NXPH1: variants seen among roughly 807,000 people sequenced by gnomAD.
NXPH1 encodes neurexophilin 1.
Under a neutral mutation model 23.7 loss-of-function variants are expected in NXPH1, and 5 were observed. The observed-to-expected ratio is 0.21, with a 90% confidence interval of 0.11 to 0.44. The LOEUF is 0.44. Among genes scored for constraint, NXPH1 ranks in the 20% least tolerant of loss-of-function variants. NXPH1 has a pLI of 0.99. For synonymous variants in NXPH1, 144 were observed against 122.2 expected (o/e 1.18, Z -1.18); for missense variants, 324 against 321.6 (o/e 1.01, Z -0.06).
chr7:8,456,940 C>T (rs1160114196), intron 2 of NXPH1, among the ~76,000 whole-genome samples: 1 of 152,166 alleles, frequency 6.6e-6, no homozygotes, highest in Non-Finnish European at 1.5e-5. Flanking sequence ...AGGTCTCTAA[C>T]TCTCTATCCT....
chr7:8,724,346 A>T (rs1780015726), intron 2 of NXPH1, among the ~76,000 whole-genome samples: 1 of 152,194 alleles, frequency 6.6e-6, no homozygotes, highest in African/African-American at 2.4e-5. Flanking sequence ...AGGGTAATTA[A>T]AATACCTCTC....
chr7:8,640,092 T>C (rs1434738484), intron 2 of NXPH1, among the ~76,000 whole-genome samples: 1 of 152,190 alleles, frequency 6.6e-6, no homozygotes, highest in Non-Finnish European at 1.5e-5. Context: ...CAAATCCATA[T>C]TCCCATCCAC....
chr7:8,450,030 G>T (rs184608810), intron 2 of NXPH1, among the ~76,000 whole-genome samples: 239 of 152,286 alleles, frequency 1.6e-3, no homozygotes, highest in South Asian at 3.7e-3. Context: ...TGATCCCTGG[G>T]TCTCAGGGTA....
At chr7:8,679,158 A>G (rs541648847) in intron 2 of NXPH1, among the ~76,000 whole-genome samples, 10 of 152,036 alleles carry the variant, frequency 6.6e-5, no homozygotes, top group Admixed American at 6.5e-4. Flanking sequence ...CGTGTTAGCC[A>G]GGATGGTCTC....
chr7:8,649,047 T>C (rs1319172949), intron 2 of NXPH1, among the ~76,000 whole-genome samples: 1 of 152,030 alleles, frequency 6.6e-6, no homozygotes, highest in African/African-American at 2.4e-5. Context: ...TTTTTTTGTA[T>C]TTACACCTTT....
At chr7:8,439,821 A>G (rs968200778) in intron 2 of NXPH1, among the ~76,000 whole-genome samples, 2 of 152,192 alleles carry the variant, frequency 1.3e-5, no homozygotes, top group Admixed American at 6.5e-5. Context: ...GTTAAGGTAT[A>G]TTGGAGCTGG....
intron 2 of NXPH1, among the ~76,000 whole-genome samples, chr7:8,603,090 C>A (rs111305859): frequency 6.6e-6 from 1 of 152,112 alleles, no homozygotes. Context: ...GGATTACAGA[C>A]GTGAGCCACC....
intron 2 of NXPH1, among the ~76,000 whole-genome samples, chr7:8,493,759 G>A (rs1462379011): frequency 1.3e-5 from 2 of 151,916 alleles, no homozygotes; most frequent in Non-Finnish European, 2.9e-5. Flanking sequence ...GCCACTTTTT[G>A]TCTTAAGCAC....
At chr7:8,707,351 A>G (rs1779720849) in intron 2 of NXPH1, among the ~76,000 whole-genome samples, 1 of 152,122 alleles carries the variant, frequency 6.6e-6, no homozygotes, top group South Asian at 2.1e-4. Flanking sequence ...AACATTTCCT[A>G]TGTATTTACA....
At chr7:8,566,073 C>A (rs112859625) in intron 2 of NXPH1, among the ~76,000 whole-genome samples, 5 of 151,806 alleles carry the variant, frequency 3.3e-5, no homozygotes, top group African/African-American at 9.7e-5. Flanking sequence ...TCAAGAGAAT[C>A]CAGTTGTTAT....
chr7:8,530,085 C>G (rs1319578441), intron 2 of NXPH1, among the ~76,000 whole-genome samples: 1 of 152,150 alleles, frequency 6.6e-6, no homozygotes, highest in Non-Finnish European at 1.5e-5. Context: ...CACCCTACAA[C>G]TAATGGTAGA....
intron 2 of NXPH1, among the ~76,000 whole-genome samples, chr7:8,593,082 T>G (rs914484729): frequency 6.6e-6 from 1 of 152,012 alleles, no homozygotes; most frequent in African/African-American, 2.4e-5. Flanking sequence ...CATTAACAAT[T>G]TGTTGGGTTC....
At chr7:8,486,907 A>C (rs1817167968) in intron 2 of NXPH1, among the ~76,000 whole-genome samples, 2 of 152,100 alleles carry the variant, frequency 1.3e-5, no homozygotes, top group South Asian at 4.1e-4. Context: ...TTTAAATTAC[A>C]GGCCCTTTAT....
At chr7:8,544,683 T>G (rs1444033709) in intron 2 of NXPH1, among the ~76,000 whole-genome samples, 1 of 151,638 alleles carries the variant, frequency 6.6e-6, no homozygotes, top group Non-Finnish European at 1.5e-5. Flanking sequence ...TTAAAAATTT[T>G]ACTTATCAGT....
At chr7:8,733,536 G>C (rs555753648) in intron 2 of NXPH1, among the ~76,000 whole-genome samples, 1 of 152,240 alleles carries the variant, frequency 6.6e-6, no homozygotes, top group African/African-American at 2.4e-5. Flanking sequence ...ATCTTCTCCA[G>C]CATTTGTTGT....
At chr7:8,644,512 G>A (rs1404664071) in intron 2 of NXPH1, among the ~76,000 whole-genome samples, 1 of 151,960 alleles carries the variant, frequency 6.6e-6, no homozygotes, top group African/African-American at 2.4e-5. Flanking sequence ...TGTATTTCTG[G>A]TTTGTTGATG....
At chr7:8,586,902 T>A (rs998936180) in intron 2 of NXPH1, among the ~76,000 whole-genome samples, 1 of 152,060 alleles carries the variant, frequency 6.6e-6, no homozygotes, top group Admixed American at 6.6e-5. Flanking sequence ...CAATACTCTA[T>A]CCCTTAGAGA....
chr7:8,455,617 T>C (rs1045539892), intron 2 of NXPH1, among the ~76,000 whole-genome samples: 1 of 151,418 alleles, frequency 6.6e-6, no homozygotes, highest in African/African-American at 2.4e-5. Flanking sequence ...AGAATGTTAA[T>C]TCCCAGAAAG....
intron 2 of NXPH1, among the ~76,000 whole-genome samples, chr7:8,673,963 G>A (rs1169631489): frequency 6.6e-6 from 1 of 152,104 alleles, no homozygotes; most frequent in Admixed American, 6.6e-5. Context: ...TGATGAAGAA[G>A]TTAAAGATAG....
Sources: allele counts gnomAD v4.1 joint callset (sites outside exome capture counted in the v4.1 genomes callset), GRCh38; gene constraint gnomAD v4.1.1; transcripts MANE v1.5; gene names NCBI Gene and HGNC (gene_info 2026-07-23, HGNC 2026-07-21).